STX1A: variants seen among roughly 807,000 people sequenced by gnomAD.
STX1A encodes syntaxin-1A.
In STX1A, 4 loss-of-function variants were observed where a neutral mutation model predicts 37.8. The observed-to-expected ratio is 0.11, with a 90% confidence interval of 0.05 to 0.24. The LOEUF (loss-of-function observed/expected upper bound fraction) is 0.24, where lower values mean the gene tolerates loss of function less well. Ranked by LOEUF, STX1A falls within the 10% of genes least tolerant of loss-of-function variation. STX1A has a pLI of 1.00. For synonymous variants in STX1A, 135 were observed against 147.4 expected (o/e 0.92, Z 0.61); for missense variants, 251 against 399.9 (o/e 0.63, Z 3.18).
At chr7:73,712,510 G>A (rs993572681) in intron 1 of STX1A, among the ~76,000 whole-genome samples, 4 of 151,796 alleles carry the variant, frequency 2.6e-5, no homozygotes, top group African/African-American at 7.3e-5. Flanking sequence ...TCTTCCACAC[G>A]CCATTCACAT....
At position 73,700,511 on chromosome 7, in the gene STX1A, C is replaced by A. The variant is rs1043084319; in HGVS notation, c.790-27G>T. ...TGCATGGGAAGCGGGCAGGAGAGGC[C>A]TCAGACAGTGTTGGCGGCAGGTGGG... On this transcript the variant is annotated intron_variant, in intron 9 of 9. Coordinates refer to ENST00000222812, the MANE Select transcript of STX1A (RefSeq NM_004603.4). This position sits in a 1 kb window ranked among gnomAD's most constrained non-coding sequence, Gnocchi z 4.4. 3 of 1,612,788 alleles carry A rather than the reference C, an allele frequency of 1.9e-6. No individual in the cohort carries two copies. Among genetic ancestry groups the A allele is most frequent in the Non-Finnish European group, 2.5e-6 (3 of 1,179,462 alleles).
In STX1A at chr7:73,700,096, T is replaced by G; in HGVS notation, c.*311A>C. 1 of 451,642 alleles carries G rather than the reference T, an allele frequency of 2.2e-6. No individual in the cohort carries two copies. Among genetic ancestry groups the G allele is most frequent in the Admixed American group, 3.7e-5 (1 of 27,120 alleles). The allele number at this position is 451,642 out of a possible 1,614,324, so 28.0% of individuals were successfully genotyped here. ...GCAGAACCTGGGCCCACCGAGTTACTGAAGGCAAGGAAGGGTGGCCTGTGT... is the reference window on the plus strand; with the variant it reads ...GCAGAACCTGGGCCCACCGAGTTACGGAAGGCAAGGAAGGGTGGCCTGTGT... On this transcript the variant is annotated 3_prime_UTR_variant, in exon 10 of 10. Transcript: ENST00000222812. The surrounding 1 kb of genome is among the most constrained non-coding windows in gnomAD (Gnocchi z 4.4).
chr7:73,719,447 G>T (rs575070447), intron 1 of STX1A, among the ~76,000 whole-genome samples, 155 bp downstream of exon 1: 41 of 152,126 alleles, frequency 2.7e-4, no homozygotes, highest in Admixed American at 2.6e-4. Context: ...GAACCCGGAG[G>T]GGGGTCGAGG....
In STX1A at chr7:73,709,866, T is replaced by G. The variant is rs567758462; in HGVS notation, c.31-744A>C. On this transcript the variant is annotated intron_variant, in intron 1 of 9. Transcript: ENST00000222812. This position sits in a 1 kb window ranked among gnomAD's most constrained non-coding sequence, Gnocchi z 4.2. ...CGGATCAGATCTCTTAGGAATCTCC[T>G]GTGAGTCTTTTTTTAAAACAGTTTT... is the stretch of plus-strand genomic sequence containing the variant. Among the ~76,000 whole-genome samples the G allele has an allele frequency of 6.6e-6, 1 of 152,312 alleles. No homozygotes were observed. Among genetic ancestry groups the G allele is most frequent in the Admixed American group, 6.5e-5 (1 of 15,302 alleles).
At chr7:73,707,045 G>C (rs1554617111) in intron 3 of STX1A, among the ~76,000 whole-genome samples, 2 of 152,168 alleles carry the variant, frequency 1.3e-5, no homozygotes, top group Non-Finnish European at 2.9e-5. Flanking sequence ...TCTTGAAGAT[G>C]CCAGTGGGCT....
In STX1A at chr7:73,719,586, C is replaced by A; in HGVS notation, c.30+16G>T. ...GCGGCGGGCGGCGGGCGGCCGCGCG[C>A]TGGGGCCGGACTCACCGTGCGGAGC... On this transcript the variant is annotated intron_variant, in intron 1 of 9. Transcript: ENST00000222812. The A allele has an allele frequency of 8.3e-7, 1 of 1,208,742 alleles. No individual in the cohort carries two copies. 74.9% of individuals were successfully genotyped at this position (1,208,742 alleles called of 1,614,324 possible).
chr7:73,700,787 C>A lies in STX1A; in HGVS notation c.732G>T (p.Val244=), dbSNP rs1554615736. Reference sequence around the variant, plus strand: ...TCTTGGTGTCAGACACGGCCCTCTCCACATAGTCTACCGCGTGTTCCACAT... The same window carrying A: ...TCTTGGTGTCAGACACGGCCCTCTCAACATAGTCTACCGCGTGTTCCACAT... ...EYNVEHAVDY[V]ERAVSDTKKA... The change falls in exon 9 of 10, where the codon GTG becomes GTT. Residue 244 remains valine (V), a synonymous_variant. Coordinates refer to ENST00000222812, the MANE Select transcript of STX1A (RefSeq NM_004603.4). This position sits in a 1 kb window ranked among gnomAD's most constrained non-coding sequence, Gnocchi z 4.4. 1.2e-6 allele frequency: 2 copies of A among 1,613,846 alleles called. No individual in the cohort carries two copies.
Position 73,703,794 on chromosome 7 carries a change from G to GTCC in STX1A, c.498_500dup (p.Glu166dup). Reference sequence around the variant, plus strand: ...TGGCGGGGTTCCCACTCTCCAGCATGTCCTCCAGCTCCTCACTGGTCGTGG... The same window carrying GTCC: ...TGGCGGGGTTCCCACTCTCCAGCATGTCCTCCTCCAGCTCCTCACTGGTCGTGG... On this transcript the variant is annotated inframe_insertion, in exon 7 of 10. Coordinates refer to ENST00000222812, the MANE Select transcript of STX1A (RefSeq NM_004603.4). 6.2e-7 allele frequency: 1 copy of GTCC among 1,613,998 alleles called. No homozygotes were observed. The highest frequency in any genetic ancestry group is 8.5e-7 in the Non-Finnish European group (1 of 1,179,974).
chr7:73,701,104 G>T (rs557377139), intron 8 of STX1A: 15 of 633,914 alleles, frequency 2.4e-5, no homozygotes, highest in Non-Finnish European at 3.5e-5. Context: ...TGAGGGTTGG[G>T]GACCATGCAG....
chr7:73,713,186 C>T (rs192629036), intron 1 of STX1A, among the ~76,000 whole-genome samples: 3 of 152,344 alleles, frequency 2.0e-5, no homozygotes, highest in African/African-American at 7.2e-5. Context: ...CCTGCACCCT[C>T]ATCCACATCC....
intron 1 of STX1A, among the ~76,000 whole-genome samples, chr7:73,714,248 A>G (rs1799205153): frequency 6.6e-6 from 1 of 151,872 alleles, no homozygotes; most frequent in South Asian, 2.1e-4. Flanking sequence ...AGCTGGGATT[A>G]CAGGCACCCG....
intron 7 of STX1A, 46 bp from the exon 8 acceptor site, chr7:73,703,028 GCA>G: frequency 2.1e-6 from 3 of 1,462,578 alleles, no homozygotes; most frequent in Non-Finnish European, 1.8e-6. Flanking sequence ...TTGCTGAGGG[GCA>G]GGGCAGAGGG....
chr7:73,705,066 T>C lies in STX1A; in HGVS notation c.283+84A>G. The C allele has an allele frequency of 7.4e-7, 1 of 1,359,176 alleles. No homozygotes were observed. Among genetic ancestry groups the C allele is most frequent in the Non-Finnish European group, 1.1e-6 (1 of 949,376 alleles). The allele number at this position is 1,359,176 out of a possible 1,614,324, so 84.2% of individuals were successfully genotyped here. ...GGAAAGCAAGATCCGGCGCACCCCC[T>C]CAGGGCGAGCAAAACCCCATGGGCT... On this transcript the variant is annotated intron_variant, in intron 4 of 9. Transcript: ENST00000222812. This position sits in a 1 kb window ranked among gnomAD's most constrained non-coding sequence, Gnocchi z 5.2.
At position 73,700,082 on chromosome 7, in the gene STX1A, GCCCA is replaced by G; in HGVS notation, c.*321_*324del. On this transcript the variant is annotated 3_prime_UTR_variant, in exon 10 of 10. Coordinates refer to ENST00000222812, the MANE Select transcript of STX1A (RefSeq NM_004603.4). This position sits in a 1 kb window ranked among gnomAD's most constrained non-coding sequence, Gnocchi z 4.4. ...GTCCCCAGGGAAGAGCAGAACCTGG[GCCCA>G]CCGAGTTACTGAAGGCAAGGAAGGG... 1 of 438,120 alleles carries G rather than the reference GCCCA, an allele frequency of 2.3e-6. No homozygotes were observed. The highest frequency in any genetic ancestry group is 4.5e-5 in the East Asian group (1 of 22,330). The allele number at this position is 438,120 out of a possible 1,614,324, so 27.1% of individuals were successfully genotyped here.
intron 1 of STX1A, among the ~76,000 whole-genome samples, chr7:73,712,757 G>T (rs1799149404): frequency 6.6e-6 from 1 of 152,134 alleles, no homozygotes; most frequent in Admixed American, 6.5e-5. Flanking sequence ...CCCTGCTATA[G>T]ATTTGAAGGC....
rs782118949 is a variant in STX1A at position 73,709,157 on chromosome 7, G to A, written c.31-35C>T. ...GTTGTGCACACATAAGTGGACGTAT[G>A]TACAGGACCCACCTGTACACACGCA... On this transcript the variant is annotated intron_variant, in intron 1 of 9. Transcript: ENST00000222812. This position sits in a 1 kb window ranked among gnomAD's most constrained non-coding sequence, Gnocchi z 4.2. 6.2e-7 allele frequency: 1 copy of A among 1,604,954 alleles called. No individual in the cohort carries two copies. Among genetic ancestry groups the A allele is most frequent in the African/African-American group, 1.3e-5 (1 of 75,006 alleles).
Position 73,702,589 on chromosome 7 carries a change from G to T in STX1A, c.678+256C>A. 8.9e-7 allele frequency: 1 copy of T among 1,125,856 alleles called. No individual in the cohort carries two copies. The highest frequency in any genetic ancestry group is 1.2e-6 in the Non-Finnish European group (1 of 821,986). 69.7% of individuals were successfully genotyped at this position (1,125,856 alleles called of 1,614,324 possible). On this transcript the variant is annotated intron_variant, in intron 8 of 9. Transcript: ENST00000222812. The surrounding 1 kb of genome is among the most constrained non-coding windows in gnomAD (Gnocchi z 4.7). The stretch of plus-strand genomic sequence containing the variant: ...GGCCCCATGAGGAAACAGTAGTAGG[G>T]GAATGAGAGACGGCGGGGTATAGAG...
chr7:73,713,651 G>A (rs1211326987), intron 1 of STX1A, among the ~76,000 whole-genome samples: 2 of 152,240 alleles, frequency 1.3e-5, no homozygotes, highest in African/African-American at 2.4e-5. Flanking sequence ...GATTGCTTGA[G>A]CCCTGGAGGT....
At chr7:73,716,594 A>G (rs1799296571) in intron 1 of STX1A, 1 of 152,402 alleles carries the variant, frequency 6.6e-6, no homozygotes, top group African/African-American at 2.4e-5. Context: ...CTCTCCTCCT[A>G]TTCAAATCCA....
Sources: allele counts gnomAD v4.1 joint callset (sites outside exome capture counted in the v4.1 genomes callset), GRCh38; gene constraint gnomAD v4.1.1; non-coding constraint Gnocchi (gnomAD v3.1); transcripts MANE v1.5; gene names NCBI Gene and HGNC (gene_info 2026-07-23, HGNC 2026-07-21).